The following UQCRFS1 variants were observed in gnomAD, a reference collection of about 807,000 sequenced individuals.
The protein encoded by UQCRFS1 is cytochrome b-c1 complex subunit Rieske, mitochondrial.
A neutral mutation model predicts 15.6 loss-of-function variants in UQCRFS1; 6 were observed. That is an observed-to-expected ratio of 0.38 (90% confidence interval 0.21 to 0.76). UQCRFS1 has a LOEUF of 0.76. Ranked by LOEUF, UQCRFS1 falls within the 30% of genes least tolerant of loss-of-function variation. UQCRFS1 has a pLI of 0.44. For synonymous variants in UQCRFS1, 105 were observed against 154.3 expected, an observed-to-expected ratio of 0.68 and a Z score of 2.37; for missense variants, 203 against 366.7, an observed-to-expected ratio of 0.55 and a Z score of 3.65.
intron 1 of UQCRFS1, among the ~76,000 whole-genome samples, chr19:29,208,635 A>T (rs1456674163): frequency 6.6e-6 from 1 of 152,240 alleles, no homozygotes; most frequent in Admixed American, 6.5e-5. Flanking sequence ...TGATCACCTT[A>T]TTAAGGCAAA....
rs922975954 is a variant in UQCRFS1, at chr19:29,212,963, C to T, written c.156G>A (p.Arg52=). The T allele has an allele frequency of 1.6e-5, 23 of 1,401,064 alleles. No homozygotes were observed. The highest frequency in any genetic ancestry group is 1.9e-5 in the Non-Finnish European group (21 of 1,090,534). The allele number at this position is 1,401,064 out of a possible 1,614,324, so 86.8% of individuals were successfully genotyped here. Residue 52 remains arginine, a synonymous_variant, in exon 1 of 2, where the codon CGG becomes CGA. Transcript: ENST00000304863. The part of the protein sequence containing the change: ...VLDLKRPFLS[R]ESLSGQAVRR... ...GCACGGCCTGGCCGCTCAGCGACTC[C>T]CGGCTGAGGAAGGGCCGCTTCAGGT...
At chr19:29,210,649 G>A (rs1258368185) in intron 1 of UQCRFS1, among the ~76,000 whole-genome samples, 1 of 151,924 alleles carries the variant, frequency 6.6e-6, no homozygotes, top group Non-Finnish European at 1.5e-5. Context: ...TTAGAATGAT[G>A]ATTTCCAATT....
At position 29,212,908 on chromosome 19, in the gene UQCRFS1, T is replaced by C; in HGVS notation, c.211A>G (p.Asn71Asp). 1.4e-6 allele frequency: 2 copies of C among 1,429,090 alleles called. No individual in the cohort carries two copies. The highest frequency in any genetic ancestry group is 1.8e-6 in the Non-Finnish European group (2 of 1,103,128). 88.5% of individuals were successfully genotyped at this position (1,429,090 alleles called of 1,614,324 possible). A position where few individuals can be genotyped will look rare whatever the true frequency, so the allele number is the denominator to read the frequency against. ...RRPLVASVGL[N>D]VPASVCYSHT... ...CGCGGCCCTCGCCCCGGCTCACCAT[T>C]GAGGCCCACGGAGGCGACCAAAGGC... Residue 71 changes from asparagine to aspartate, a missense_variant, in exon 1 of 2, where the codon AAT (asparagine) becomes GAT (aspartate). Transcript: ENST00000304863.
chr19:29,207,207 C>T lies in UQCRFS1; in HGVS notation c.*341G>A, dbSNP rs1042973888. ...GACCGTGCAGAATCTGCGTCCCTGA[C>T]GCAAAGCAGGAAGCAAATATTTGGG... On this transcript the variant is annotated 3_prime_UTR_variant, in exon 2 of 2. Transcript: ENST00000304863. 2.0e-5 allele frequency: 4 copies of T among 197,944 alleles called. No individual in the cohort carries two copies. The highest frequency in any genetic ancestry group is 1.1e-4 in the South Asian group (1 of 8,896). 12.3% of individuals were successfully genotyped at this position (197,944 alleles called of 1,614,324 possible).
At position 29,206,107 on chromosome 19, in the gene UQCRFS1, A is replaced by T. The variant is rs1425144073; in HGVS notation, c.*1441T>A. The T allele has an allele frequency of 6.6e-6, 1 of 152,054 alleles. No homozygotes were observed. The highest frequency in any genetic ancestry group is 1.5e-5 in the Non-Finnish European group (1 of 68,024). The allele number at this position is 152,054 out of a possible 1,614,324, so 9.4% of individuals were successfully genotyped here. A position where few individuals can be genotyped will look rare whatever the true frequency, so the allele number is the denominator to read the frequency against. ...GGACCTGTGTTCCCCTCACAACTCA[A>T]TGTTTCACATTCCAACTCTGCCACC... is the stretch of plus-strand genomic sequence containing the variant. On this transcript the variant is annotated 3_prime_UTR_variant, in exon 2 of 2. Coordinates refer to ENST00000304863, the MANE Select transcript of UQCRFS1 (RefSeq NM_006003.3).
rs10413772 is a variant in UQCRFS1 at position 29,205,997 on chromosome 19, G to A, written c.*1551C>T. 141,554 of 152,240 alleles carry A rather than the reference G, an allele frequency of 0.93. 65,827 individuals are homozygous for A. The highest frequency in any genetic ancestry group is 1 in the East Asian group (5,163 of 5,166). 9.4% of individuals were successfully genotyped at this position (152,240 alleles called of 1,614,324 possible). A position where few individuals can be genotyped will look rare whatever the true frequency, so the allele number is the denominator to read the frequency against. On this transcript the variant is annotated 3_prime_UTR_variant, in exon 2 of 2. Transcript: ENST00000304863. ...TAGAATTTCAAGGTATCACTTCAGG[G>A]TGGGAGGTGATATAGGTTATCAGTA... is the stretch of plus-strand genomic sequence containing the variant.
chr19:29,207,797 T>G lies in UQCRFS1; in HGVS notation c.576A>C (p.Leu192Phe), dbSNP rs1195444075. The G allele has an allele frequency of 1.2e-6, 2 of 1,614,028 alleles. No homozygotes were observed. The highest frequency in any genetic ancestry group is 1.7e-6 in the Non-Finnish European group (2 of 1,179,860). The change falls in exon 2 of 2, where the codon TTA (leucine) becomes TTC (phenylalanine). Residue 192 changes from leucine to phenylalanine, a missense_variant. Transcript: ENST00000304863. ...KEIEQEAAVE[L>F]SQLRDPQHDL... is the part of the protein sequence containing the mutation. ...CATGCTGTGGGTCCCTCAACTGTGA[T>G]AATTCAACTGCAGCTTCCTGCTCAA...
chr19:29,212,715 C>T (rs1029147587), intron 1 of UQCRFS1, among the ~76,000 whole-genome samples, 190 bp downstream of exon 1: 7 of 152,188 alleles, frequency 4.6e-5, no homozygotes, highest in South Asian at 2.1e-4. Flanking sequence ...GCGAAGCCGG[C>T]GGACGCGAGT....
In UQCRFS1 at chr19:29,206,784, G is replaced by A. The variant is rs1440003249; in HGVS notation, c.*764C>T. 1 of 152,194 alleles carries A rather than the reference G, an allele frequency of 6.6e-6. No individual in the cohort carries two copies. The highest frequency in any genetic ancestry group is 1.5e-5 in the Non-Finnish European group (1 of 68,054). 9.4% of individuals were successfully genotyped at this position (152,194 alleles called of 1,614,324 possible). A position where few individuals can be genotyped will look rare whatever the true frequency, so the allele number is the denominator to read the frequency against. On this transcript the variant is annotated 3_prime_UTR_variant, in exon 2 of 2. Coordinates refer to ENST00000304863, the MANE Select transcript of UQCRFS1 (RefSeq NM_006003.3). ...CTGATAGAGTGGATGCAGGAACTTT[G>A]GGGACATGATGAACCACACACAAAA...
chr19:29,212,831 G>C (rs935319284), intron 1 of UQCRFS1, 74 bp downstream of exon 1: 3 of 1,318,020 alleles, frequency 2.3e-6, no homozygotes, highest in Admixed American at 4.2e-5. Flanking sequence ...GCCCGCGGCC[G>C]CTCCCTGCTG....
rs1430489163 is a variant in UQCRFS1 at position 29,205,506 on chromosome 19, T to C, written c.*2042A>G. 1 of 152,132 alleles carries C rather than the reference T, an allele frequency of 6.6e-6. No individual in the cohort carries two copies. Among genetic ancestry groups the C allele is most frequent in the Non-Finnish European group, 1.5e-5 (1 of 68,016 alleles). 9.4% of individuals were successfully genotyped at this position (152,132 alleles called of 1,614,324 possible). On this transcript the variant is annotated 3_prime_UTR_variant, in exon 2 of 2. Coordinates refer to ENST00000304863, the MANE Select transcript of UQCRFS1 (RefSeq NM_006003.3). ...GTATGCTCAGAAAGACCAAAGAAAA[T>C]TTGATGTTATCTTTAACAAATAATG...
intron 1 of UQCRFS1, among the ~76,000 whole-genome samples, chr19:29,212,365 C>A (rs1343873688): frequency 2.7e-5 from 4 of 147,640 alleles, no homozygotes; most frequent in African/African-American, 9.8e-5. Context: ...CTGTAACTGA[C>A]CTTGTGTATG....
At position 29,208,090 on chromosome 19, in the gene UQCRFS1, C is replaced by A. The variant is rs1976610781; in HGVS notation, c.283G>T (p.Glu95Ter). ...VPDFSEYRRLEVLDSTKSSRE... is the reference protein window; with the variant it reads ...VPDFSEYRRL ...GAAGACTTCGTACTATCTAAAACTT[C>A]AAGGCGGCGGTATTCAGAGAAGTCA... Residue 95 changes from glutamate (E) to a stop codon, truncating the protein, a stop_gained, in exon 2 of 2, where the codon GAA becomes TAA. Coordinates refer to ENST00000304863, the MANE Select transcript of UQCRFS1 (RefSeq NM_006003.3). LOFTEE classifies it high-confidence loss of function. 1.9e-6 allele frequency: 3 copies of A among 1,614,116 alleles called. No homozygotes were observed. Among genetic ancestry groups the A allele is most frequent in the Non-Finnish European group, 2.5e-6 (3 of 1,179,972 alleles).
intron 1 of UQCRFS1, among the ~76,000 whole-genome samples, chr19:29,211,069 G>C (rs1244798692): frequency 6.6e-6 from 1 of 151,974 alleles, no homozygotes; most frequent in Non-Finnish European, 1.5e-5. Context: ...GTGTGAGATG[G>C]TATCTCATTG....
chr19:29,210,424 A>G (rs1462373144), intron 1 of UQCRFS1, among the ~76,000 whole-genome samples: 2 of 151,822 alleles, frequency 1.3e-5, no homozygotes, highest in Admixed American at 1.3e-4. Flanking sequence ...GGTTAGTTAC[A>G]TATGTATACA....
Position 29,207,866 on chromosome 19 carries a change from C to T in UQCRFS1, c.507G>A (p.Trp169Ter). 6.2e-7 allele frequency: 1 copy of T among 1,613,982 alleles called. No homozygotes were observed. The highest frequency in any genetic ancestry group is 2.2e-5 in the East Asian group (1 of 44,890). The change falls in exon 2 of 2, where the codon TGG (tryptophan) becomes TGA (stop). Residue 169 changes from tryptophan (W) to a stop codon, truncating the protein, a stop_gained. Transcript: ENST00000304863. LOFTEE classifies it high-confidence loss of function. ...GACGCACAAACAGGGGTTTGCCTCT[C>T]CATTTGAAAGCCATGTTCTTGCCTT... Reference protein sequence around the residue: ...IPEGKNMAFKWRGKPLFVRHR... With the variant: ...IPEGKNMAFK
chr19:29,205,424 A>C lies in UQCRFS1; in HGVS notation c.*2124T>G, dbSNP rs1173765404. ...AATGAGGGTACTAAAGCACATTTTG[A>C]TCCAGTCAGGACAAATGCCCTCTAT... On this transcript the variant is annotated 3_prime_UTR_variant, in exon 2 of 2. Transcript: ENST00000304863. 6.6e-6 allele frequency: 1 copy of C among 152,234 alleles called. No homozygotes were observed. The highest frequency in any genetic ancestry group is 1.5e-5 in the Non-Finnish European group (1 of 68,042). 9.4% of individuals were successfully genotyped at this position (152,234 alleles called of 1,614,324 possible). A position where few individuals can be genotyped will look rare whatever the true frequency, so the allele number is the denominator to read the frequency against.
At chr19:29,211,130 T>A (rs1976641613) in intron 1 of UQCRFS1, among the ~76,000 whole-genome samples, 1 of 152,072 alleles carries the variant, frequency 6.6e-6, no homozygotes, top group African/African-American at 2.4e-5. Flanking sequence ...AACCTACTCA[T>A]CTGACAAAGG....
At position 29,208,161 on chromosome 19, in the gene UQCRFS1, G is replaced by A. The variant is rs758331099; in HGVS notation, c.215-3C>T. On this transcript the variant is annotated splice_region_variant and splice_polypyrimidine_tract_variant and intron_variant, in intron 1 of 1. Transcript: ENST00000304863. ...GGAATAACAAACAGAAGCAGGGACT[G>A]CAAGACAAACAGAAGGTTAAAAAAC... The A allele has an allele frequency of 5.0e-6, 8 of 1,602,376 alleles. No homozygotes were observed. In the South Asian group the frequency reaches 6.7e-5, roughly 13 times the overall value.
Sources: gnomAD v4.1 joint callset for allele counts (sites outside exome capture counted in the v4.1 genomes callset) on GRCh38, gnomAD v4.1.1 for gene constraint, MANE v1.5 for transcripts, NCBI Gene and HGNC (gene_info 2026-07-23, HGNC 2026-07-21) for gene names.